SLC25A26: variants seen among roughly 807,000 people sequenced by gnomAD.
The protein encoded by SLC25A26 is mitochondrial S-adenosylmethionine carrier protein.
Under a neutral mutation model 37.8 loss-of-function variants are expected in SLC25A26, and 36 were observed. That is an observed-to-expected ratio of 0.95 (90% CI 0.73 to 1.26). The LOEUF is 1.26. SLC25A26 is among the 50% of genes most tolerant of loss of function. The probability of loss-of-function intolerance (pLI) is 0.00; values close to 1 mark genes in which losing one functional copy is unlikely to be tolerated. For synonymous variants in SLC25A26, 129 were observed against 122.5 expected (o/e 1.05, Z -0.35); for missense variants, 390 against 331.1 (o/e 1.18, Z -1.38).
intron 6 of SLC25A26, among the ~76,000 whole-genome samples, chr3:66,349,774 CTG>C (rs1180469411): frequency 2.0e-5 from 3 of 152,158 alleles, no homozygotes; most frequent in Non-Finnish European, 4.4e-5. Context: ...AAGAAACAAA[CTG>C]TCAAGGTGTT....
At chr3:66,253,896 C>A (rs2073194185) in intron 3 of SLC25A26, among the ~76,000 whole-genome samples, 1 of 152,052 alleles carries the variant, frequency 6.6e-6, no homozygotes, top group African/African-American at 2.4e-5. Flanking sequence ...AGCAAAAAAG[C>A]CATTTGAGGC....
Position 66,193,043 on chromosome 3 carries a change from G to A in SLC25A26, c.-353-27699G>A, listed in dbSNP as rs1260012700. Among the ~76,000 whole-genome samples the A allele has an allele frequency of 2.0e-5, 3 of 152,086 alleles. No homozygotes were observed. The East Asian group carries it at 5.8e-4, about 29-fold the overall frequency. The stretch of plus-strand genomic sequence containing the variant: ...TTATACTAGGTACAAGGATTGCAGA[G>A]AGATACAGGTATGTATATATAGGAT... On this transcript the variant is annotated intron_variant, in intron 1 of 10. Coordinates refer to the SLC25A26 transcript ENST00000676754.
intron 1 of SLC25A26, among the ~76,000 whole-genome samples, chr3:66,164,912 C>T (rs543779610): frequency 2.5e-4 from 38 of 152,242 alleles, no homozygotes; most frequent in Non-Finnish European, 4.7e-4. Flanking sequence ...GGGACAAGTG[C>T]GATGACAAGG....
intron 3 of SLC25A26, among the ~76,000 whole-genome samples, chr3:66,252,247 A>T (rs1050596679): frequency 6.6e-6 from 1 of 152,158 alleles, no homozygotes; most frequent in Non-Finnish European, 1.5e-5. Context: ...ACTGTCACTT[A>T]TTTGCTTTGG....
At chr3:66,144,175 T>C (rs1382421690) in intron 1 of SLC25A26, among the ~76,000 whole-genome samples, 2 of 152,172 alleles carry the variant, frequency 1.3e-5, no homozygotes, top group East Asian at 3.9e-4. Flanking sequence ...GAACCAACTG[T>C]ATCAAGATCT....
At chr3:66,139,780 A>G (rs1250506653) in intron 1 of SLC25A26, among the ~76,000 whole-genome samples, 2 of 152,190 alleles carry the variant, frequency 1.3e-5, no homozygotes, top group Admixed American at 1.3e-4. Context: ...TACTTCTTTC[A>G]CACTAAGCGC....
intron 1 of SLC25A26, among the ~76,000 whole-genome samples, chr3:66,176,601 G>T (rs566932184): frequency 6.6e-6 from 1 of 152,170 alleles, no homozygotes; most frequent in South Asian, 2.1e-4. Flanking sequence ...GGGAAAAAAC[G>T]GTAGCCAGAA....
chr3:66,271,818 G>C (rs1439884637), intron 5 of SLC25A26, among the ~76,000 whole-genome samples: 1 of 151,892 alleles, frequency 6.6e-6, no homozygotes. Context: ...GTAATTGTCT[G>C]TACCACTATT....
intron 1 of SLC25A26, among the ~76,000 whole-genome samples, chr3:66,227,219 TCA>T (rs1234923882): frequency 2.6e-4 from 39 of 152,372 alleles, no homozygotes; most frequent in African/African-American, 9.1e-4. Flanking sequence ...AAATTTGCTC[TCA>T]CTTATTTTTT....
At chr3:66,369,198 C>T (rs1461516293) in intron 7 of SLC25A26, among the ~76,000 whole-genome samples, 1 of 152,114 alleles carries the variant, frequency 6.6e-6, no homozygotes, top group Admixed American at 6.5e-5. Flanking sequence ...TGTAAACATA[C>T]ACACTCATTA....
At chr3:66,158,574 T>C (rs1456162386) in intron 1 of SLC25A26, among the ~76,000 whole-genome samples, 1 of 152,220 alleles carries the variant, frequency 6.6e-6, no homozygotes, top group East Asian at 1.9e-4. Flanking sequence ...TGCAGCAGTG[T>C]AGGAGAGTTC....
chr3:66,151,463 CT>C (rs2106692503), intron 1 of SLC25A26, among the ~76,000 whole-genome samples: 1 of 152,312 alleles, frequency 6.6e-6, no homozygotes, highest in East Asian at 1.9e-4. Flanking sequence ...CACTTGCTTT[CT>C]ATTAGTTTGC....
At chr3:66,133,981 G>A (rs945527562) in exon 1 of SLC25A26, 3 of 152,130 alleles carry the variant, frequency 2.0e-5, no homozygotes, top group African/African-American at 7.2e-5. Flanking sequence ...TCTTCACATT[G>A]CAGGTACTCA....
At chr3:66,370,689 C>T in intron 9 of SLC25A26, 87 bp downstream of exon 9, 1 of 1,010,312 alleles carries the variant, frequency 9.9e-7, no homozygotes, top group East Asian at 2.5e-5. Flanking sequence ...CTCTCCTTCC[C>T]TTCTGCTTAT....
chr3:66,299,157 C>T (rs770144488), intron 5 of SLC25A26, among the ~76,000 whole-genome samples: 20 of 152,126 alleles, frequency 1.3e-4, no homozygotes, highest in Admixed American at 1.3e-3. Context: ...CGTGTATATG[C>T]ACCCATTTCC....
intron 5 of SLC25A26, among the ~76,000 whole-genome samples, chr3:66,281,995 C>CTTTTTT (rs745763623): frequency 4.6e-5 from 4 of 87,864 alleles, no homozygotes; most frequent in African/African-American, 6.1e-5. Flanking sequence ...ACTGATTTTG[C>CTTTTTT]ATTTTTTTTT....
At chr3:66,145,882 T>C (rs1306838886) in intron 1 of SLC25A26, among the ~76,000 whole-genome samples, 1 of 144,568 alleles carries the variant, frequency 6.9e-6, no homozygotes, top group Non-Finnish European at 1.5e-5. Context: ...ATTTTGTAAT[T>C]GTTTTGAAAA....
intron 4 of SLC25A26, 144 bp downstream of exon 4, chr3:66,262,299 T>C (rs554784797): frequency 4.6e-5 from 21 of 459,892 alleles, no homozygotes; most frequent in African/African-American, 4.3e-4. Flanking sequence ...TTTGCTAAGA[T>C]TATCTTTGCC....
chr3:66,258,300 T>C (rs2073385382), intron 3 of SLC25A26, among the ~76,000 whole-genome samples: 1 of 152,154 alleles, frequency 6.6e-6, no homozygotes. Flanking sequence ...ACGTAAGAGC[T>C]GTCTTTTATC....
Sources: allele counts gnomAD v4.1 joint callset (sites outside exome capture counted in the v4.1 genomes callset), GRCh38; gene constraint gnomAD v4.1.1; transcripts MANE v1.5; gene names NCBI Gene and HGNC (gene_info 2026-07-23, HGNC 2026-07-21).